Variants in MYEF2 observed in about 807,000 individuals in gnomAD.
MYEF2 encodes myelin expression factor 2.
MYEF2 carries 37 observed loss-of-function variants against 75.2 expected under a neutral mutation model. The observed-to-expected ratio is 0.49, with a 90% CI of 0.38 to 0.65. The LOEUF is 0.65. Ranked by LOEUF, MYEF2 falls within the 30% of genes least tolerant of loss-of-function variation. MYEF2 has a pLI of 0.00. For missense variants in MYEF2, 634 were observed against 771.4 expected (o/e 0.82, Z 2.11); for synonymous variants, 195 against 241.6 (o/e 0.81, Z 1.79).
At chr15:48,175,508 A>T (rs2140947273) in intron 1 of MYEF2, among the ~76,000 whole-genome samples, 1 of 152,298 alleles carries the variant, frequency 6.6e-6, no homozygotes, top group South Asian at 2.1e-4. Flanking sequence ...CAGATACGTT[A>T]ATTAGCGTGA....
In MYEF2 at chr15:48,149,751, T is replaced by C. The variant is rs543074624; in HGVS notation, c.1379-380A>G. On this transcript the variant is annotated intron_variant, in intron 14 of 16. Coordinates refer to ENST00000324324, the MANE Select transcript of MYEF2 (RefSeq NM_016132.5). This position sits in a 1 kb window ranked among gnomAD's most constrained non-coding sequence, Gnocchi z 4.0. ...CAGTTGTTCTGATCCTTATTTTTAT[T>C]TTCCAATAATATCAAGCATAATAAT... 97 of 155,246 alleles carry C rather than the reference T, an allele frequency of 6.2e-4. No individual in the cohort carries two copies. Among genetic ancestry groups the C allele is most frequent in the African/African-American group, 2.2e-3 (92 of 41,566 alleles). 9.6% of individuals were successfully genotyped at this position (155,246 alleles called of 1,614,324 possible).
Position 48,142,209 on chromosome 15 carries a change from T to C in MYEF2, c.*699A>G. The C allele has an allele frequency of 1.2e-6, 2 of 1,613,870 alleles. No individual in the cohort carries two copies. The highest frequency in any genetic ancestry group is 8.5e-7 in the Non-Finnish European group (1 of 1,179,876). ...AACATTTCAATTATTTTTCTTTTTT[T>C]AGCAGTTCACTTCAATGGCTGGAAA... On this transcript the variant is annotated 3_prime_UTR_variant, in exon 17 of 17. Transcript: ENST00000324324.
In MYEF2 at chr15:48,138,712, C is replaced by T. The variant is rs1034684746; in HGVS notation, c.*4196G>A. 5.2e-6 allele frequency: 2 copies of T among 386,730 alleles called. No homozygotes were observed. The highest frequency in any genetic ancestry group is 3.7e-5 in the South Asian group (1 of 27,362). The allele number at this position is 386,730 out of a possible 1,614,324, so 24.0% of individuals were successfully genotyped here. A position where few individuals can be genotyped will look rare whatever the true frequency, so the allele number is the denominator to read the frequency against. On this transcript the variant is annotated 3_prime_UTR_variant, in exon 17 of 17. Coordinates refer to ENST00000324324, the MANE Select transcript of MYEF2 (RefSeq NM_016132.5). ...TAAACACTATCTACAATATATTTAA[C>T]GAATGGCCCAAGACATTTTTATAGA...
Position 48,139,401 on chromosome 15 carries a change from C to A in MYEF2, c.*3507G>T, listed in dbSNP as rs896331098. 2.7e-6 allele frequency: 1 copy of A among 373,318 alleles called. No individual in the cohort carries two copies. The highest frequency in any genetic ancestry group is 4.9e-6 in the Non-Finnish European group (1 of 205,986). 23.1% of individuals were successfully genotyped at this position (373,318 alleles called of 1,614,324 possible). A position where few individuals can be genotyped will look rare whatever the true frequency, so the allele number is the denominator to read the frequency against. ...TTCCACTGTTATTTAGCCTGGGGTA[C>A]AATTCAAGAGATCTTATAAATGAAA... On this transcript the variant is annotated 3_prime_UTR_variant, in exon 17 of 17. Transcript: ENST00000324324.
At position 48,164,223 on chromosome 15, in the gene MYEF2, G is replaced by A. The variant is rs189610986; in HGVS notation, c.525+1710C>T. ...AAGGTCAAAATATCAATACTAACAG[G>A]AGTTTGGAATAAGTGGATTCTAATC... On this transcript the variant is annotated intron_variant, in intron 5 of 16. Transcript: ENST00000324324. 2.0e-5 allele frequency among the ~76,000 whole-genome samples: 3 copies of A among 152,284 alleles called. No homozygotes were observed. The East Asian group carries it at 5.8e-4, about 29-fold the overall frequency.
chr15:48,170,436 T>G (rs553883766), intron 1 of MYEF2, among the ~76,000 whole-genome samples: 1 of 152,330 alleles, frequency 6.6e-6, no homozygotes, highest in Non-Finnish European at 1.5e-5. Context: ...AATAGATTTC[T>G]TATTTAAATA....
intron 14 of MYEF2, among the ~76,000 whole-genome samples, chr15:48,150,513 T>G (rs1274542251): frequency 6.6e-6 from 1 of 152,014 alleles, no homozygotes; most frequent in Non-Finnish European, 1.5e-5. Context: ...ATAATCCATG[T>G]ATTCAGGCTT....
chr15:48,165,062 A>C (rs1170531689), intron 5 of MYEF2, among the ~76,000 whole-genome samples: 1 of 152,116 alleles, frequency 6.6e-6, no homozygotes, highest in Non-Finnish European at 1.5e-5. Context: ...GCATGTCTAG[A>C]CACCCACTAG....
At chr15:48,156,779 T>TA (rs1323069490) in intron 9 of MYEF2, among the ~76,000 whole-genome samples, 140 of 147,124 alleles carry the variant, frequency 9.5e-4, no homozygotes, top group African/African-American at 3.3e-3. Flanking sequence ...AAAAACAATT[T>TA]AAAAAAAAAA....
At chr15:48,146,239 A>G (rs2039279089) in intron 16 of MYEF2, among the ~76,000 whole-genome samples, 1 of 151,924 alleles carries the variant, frequency 6.6e-6, no homozygotes. Context: ...GTGGGGTCCA[A>G]TACTAAATAG....
chr15:48,154,484 A>G (rs1335141910), intron 9 of MYEF2, among the ~76,000 whole-genome samples: 1 of 152,124 alleles, frequency 6.6e-6, no homozygotes, highest in Non-Finnish European at 1.5e-5. Context: ...CATGTAGCTG[A>G]TTTTAAGACT....
chr15:48,149,430 A>G lies in MYEF2; in HGVS notation c.1379-59T>C. ...AATTTTGTGTTTTTGTTTCAAAAAC[A>G]TAAGGAAAAGGAGAAGAGGAGAAAG... On this transcript the variant is annotated intron_variant, in intron 14 of 16. Transcript: ENST00000324324. This position sits in a 1 kb window ranked among gnomAD's most constrained non-coding sequence, Gnocchi z 4.0. The G allele has an allele frequency of 2.0e-6, 3 of 1,527,624 alleles. No individual in the cohort carries two copies. The highest frequency in any genetic ancestry group is 1.1e-5 in the South Asian group (1 of 87,416). 94.6% of individuals were successfully genotyped at this position (1,527,624 alleles called of 1,614,324 possible).
chr15:48,151,400 CA>C (rs937254685), intron 13 of MYEF2, 72 bp downstream of exon 13: 2 of 1,395,868 alleles, frequency 1.4e-6, no homozygotes, highest in South Asian at 1.2e-5. Context: ...TGATTTTTCA[CA>C]AAAAAAGAGA....
intron 13 of MYEF2, 23 bp downstream of exon 13, chr15:48,151,447 AAGG>A (rs1567246702): frequency 3.2e-6 from 5 of 1,586,676 alleles, no homozygotes; most frequent in Admixed American, 3.3e-5. Flanking sequence ...ACAAAAAGAA[AAGG>A]AGAAGTATGC....
chr15:48,151,517 T>A lies in MYEF2; in HGVS notation c.1262A>T (p.Asp421Val), dbSNP rs779438781. The change falls in exon 13 of 17, where the codon GAT becomes GTT. Residue 421 changes from aspartate (D) to valine (V), a missense_variant. Physicochemically the swap from Asp to Val is radical, Grantham distance 152 (BLOSUM62 -3). Coordinates refer to ENST00000324324, the MANE Select transcript of MYEF2 (RefSeq NM_016132.5). ...SSMERDFGRG[D>V]IGINRGFGDS... ...TCCAAAGCCTCGATTTATTCCAATATCACCACGTCCAAAATCTCGCTCCAT... is the reference window on the plus strand; with the variant it reads ...TCCAAAGCCTCGATTTATTCCAATAACACCACGTCCAAAATCTCGCTCCAT... 2.5e-6 allele frequency: 4 copies of A among 1,612,994 alleles called. No individual in the cohort carries two copies.
intron 1 of MYEF2, among the ~76,000 whole-genome samples, chr15:48,172,195 T>C (rs1278678282): frequency 1.3e-5 from 2 of 151,666 alleles, no homozygotes; most frequent in African/African-American, 4.8e-5. Flanking sequence ...AGGTCAGGAG[T>C]TCGAGATGAA....
Position 48,135,637 on chromosome 15 carries a change from G to A in MYEF2, c.*7271C>T, listed in dbSNP as rs1243862963. 1 of 151,638 alleles carries A rather than the reference G, an allele frequency of 6.6e-6. No individual in the cohort carries two copies. Among genetic ancestry groups the A allele is most frequent in the African/African-American group, 2.4e-5 (1 of 41,246 alleles). The allele number at this position is 151,638 out of a possible 1,614,324, so 9.4% of individuals were successfully genotyped here. On this transcript the variant is annotated 3_prime_UTR_variant, in exon 17 of 17. Transcript: ENST00000324324. ...TTCTCACTATGCTAGATATCATAAG[G>A]GATAATGAAATGTAAAACACAGCTA...
At chr15:48,154,465 G>C (rs2039610051) in intron 9 of MYEF2, among the ~76,000 whole-genome samples, 1 of 152,040 alleles carries the variant, frequency 6.6e-6, no homozygotes, top group South Asian at 2.1e-4. Flanking sequence ...TAGGTTGCTT[G>C]CATAATGACA....
intron 11 of MYEF2, 83 bp from the exon 12 acceptor site, chr15:48,152,025 G>C (rs2039510276): frequency 1.4e-6 from 2 of 1,393,044 alleles, no homozygotes; most frequent in South Asian, 1.2e-5. Flanking sequence ...AATCTCACCA[G>C]TAAGCTCTTC....
Sources: gnomAD v4.1 joint callset for allele counts (sites outside exome capture counted in the v4.1 genomes callset) on GRCh38, gnomAD v4.1.1 for gene constraint, Gnocchi (gnomAD v3.1) non-coding constraint, MANE v1.5 for transcripts, NCBI Gene and HGNC (gene_info 2026-07-23, HGNC 2026-07-21) for gene names.